SLIT1: variants seen among roughly 807,000 people sequenced by gnomAD.
SLIT1 encodes the protein slit homolog 1 protein.
Under a neutral mutation model 186.1 loss-of-function variants are expected in SLIT1, and 66 were observed. The observed-to-expected ratio is 0.35, with a 90% CI of 0.29 to 0.44. The LOEUF (loss-of-function observed/expected upper bound fraction) is 0.44, where lower values mean the gene tolerates loss of function less well. Ranked by LOEUF, SLIT1 falls within the 20% of genes least tolerant of loss-of-function variation. SLIT1 has a pLI of 1.00. For synonymous variants in SLIT1, 761 were observed against 833.8 expected, an observed-to-expected ratio of 0.91 and a Z score of 1.50; for missense variants, 1,638 against 2,037.4, an observed-to-expected ratio of 0.80 and a Z score of 3.77.
chr10:97,053,747 A>T (rs1848812009), intron 13 of SLIT1, among the ~76,000 whole-genome samples: 1 of 152,226 alleles, frequency 6.6e-6, no homozygotes, highest in African/African-American at 2.4e-5. Context: ...GTTTAACCAC[A>T]CAACAGATGA....
In SLIT1 at chr10:97,022,059, A is replaced by G. The variant is rs1848507116; in HGVS notation, c.2583-646T>C. 6.6e-6 allele frequency among the ~76,000 whole-genome samples: 1 copy of G among 152,234 alleles called. No homozygotes were observed. Among genetic ancestry groups the G allele is most frequent in the African/African-American group, 2.4e-5 (1 of 41,464 alleles). On this transcript the variant is annotated intron_variant, in intron 25 of 36. Coordinates refer to ENST00000266058, the MANE Select transcript of SLIT1 (RefSeq NM_003061.3). The surrounding 1 kb of genome is among the most constrained non-coding windows in gnomAD (Gnocchi z 4.2). ...TACGAATGCACTGCCTCCAGTGTGC[A>G]TGGGGAGAAAGCAACCCACATCGAC... is the stretch of plus-strand genomic sequence containing the variant.
chr10:97,135,718 C>G (rs767241873), intron 4 of SLIT1, among the ~76,000 whole-genome samples: 5 of 152,196 alleles, frequency 3.3e-5, no homozygotes, highest in Non-Finnish European at 7.3e-5. Flanking sequence ...GCTGCTCAGT[C>G]AAGTGGAGGA....
Position 97,006,468 on chromosome 10 carries a change from C to A in SLIT1, c.3579+15G>T, listed in dbSNP as rs1589360537. 2 of 1,593,760 alleles carry A rather than the reference C, an allele frequency of 1.3e-6. No homozygotes were observed. The highest frequency in any genetic ancestry group is 1.7e-6 in the Non-Finnish European group (2 of 1,161,946). ...TCCCTGACTCCCCTCTGTGACCAAG[C>A]CCCCTGGCACGCACCTGCAACGTGA... On this transcript the variant is annotated intron_variant, in intron 32 of 36. Coordinates refer to ENST00000266058, the MANE Select transcript of SLIT1 (RefSeq NM_003061.3). This position sits in a 1 kb window ranked among gnomAD's most constrained non-coding sequence, Gnocchi z 4.0.
chr10:97,036,535 C>T (rs985812168), intron 22 of SLIT1, among the ~76,000 whole-genome samples: 6 of 152,266 alleles, frequency 3.9e-5, no homozygotes, highest in African/African-American at 1.4e-4. Context: ...GTCACCACAC[C>T]TAGCTTAGTT....
intron 4 of SLIT1, among the ~76,000 whole-genome samples, chr10:97,123,032 G>T (rs1258139237): frequency 6.6e-6 from 1 of 152,172 alleles, no homozygotes; most frequent in African/African-American, 2.4e-5. Context: ...CCCTGCACAG[G>T]GGGCCTTCAA....
intron 4 of SLIT1, among the ~76,000 whole-genome samples, chr10:97,090,811 G>A (rs1358117203): frequency 6.6e-6 from 1 of 152,222 alleles, no homozygotes; most frequent in Non-Finnish European, 1.5e-5. Context: ...CGTCCAGCGG[G>A]TGCTGGGCCC....
chr10:97,106,807 T>C (rs1849419949), intron 4 of SLIT1, among the ~76,000 whole-genome samples: 2 of 152,318 alleles, frequency 1.3e-5, no homozygotes, highest in South Asian at 4.1e-4. Flanking sequence ...GAGTTCATAC[T>C]TTGATAACTG....
At chr10:97,133,708 A>G (rs1849675949) in intron 4 of SLIT1, among the ~76,000 whole-genome samples, 1 of 152,176 alleles carries the variant, frequency 6.6e-6, no homozygotes, top group Non-Finnish European at 1.5e-5. Flanking sequence ...TGAAACGAGG[A>G]CTATTTTGCA....
chr10:97,090,498 T>C (rs2134662714), intron 4 of SLIT1, among the ~76,000 whole-genome samples: 1 of 152,232 alleles, frequency 6.6e-6, no homozygotes, highest in Admixed American at 6.5e-5. Flanking sequence ...TGAGTTGGAC[T>C]CAAAGTGAGT....
intron 4 of SLIT1, among the ~76,000 whole-genome samples, chr10:97,084,768 G>A (rs1034700362): frequency 1.3e-5 from 2 of 151,680 alleles, no homozygotes; most frequent in Admixed American, 6.6e-5. Context: ...ACCACGCTTG[G>A]CTAATTTTTT....
chr10:97,033,590 C>T (rs1470414686), intron 23 of SLIT1, among the ~76,000 whole-genome samples: 2 of 152,150 alleles, frequency 1.3e-5, no homozygotes, highest in African/African-American at 4.8e-5. Flanking sequence ...AATGAACAGA[C>T]CACAGCTGCC....
At chr10:97,039,876 T>G in intron 21 of SLIT1, 112 bp downstream of exon 21, 1 of 1,246,252 alleles carries the variant, frequency 8.0e-7, no homozygotes, top group Non-Finnish European at 1.1e-6. Flanking sequence ...AGCTAATGCC[T>G]GCTCTTGGTC....
chr10:97,112,407 G>T (rs1346734527), intron 4 of SLIT1, among the ~76,000 whole-genome samples: 1 of 152,180 alleles, frequency 6.6e-6, no homozygotes, highest in East Asian at 1.9e-4. Flanking sequence ...TGGGAGACAT[G>T]AATTCAGAGC....
At position 97,095,946 on chromosome 10, in the gene SLIT1, C is replaced by T. The variant is rs114458002; in HGVS notation, c.414-29860G>A. On this transcript the variant is annotated intron_variant, in intron 4 of 36. Coordinates refer to ENST00000266058, the MANE Select transcript of SLIT1 (RefSeq NM_003061.3). ...GTGGGCCTGAGAGTCTGTGTTACCC[C>T]GGAGGCTGATGCTGCCAGCCAAGGG... is the stretch of plus-strand genomic sequence containing the variant. Among the ~76,000 whole-genome samples the T allele has an allele frequency of 7.2e-3, 1,096 of 152,246 alleles. 14 individuals carry two copies. The highest frequency in any genetic ancestry group is 0.025 in the African/African-American group (1,025 of 41,536).
chr10:97,012,460 C>G (rs913398342), intron 30 of SLIT1, among the ~76,000 whole-genome samples: 2 of 152,232 alleles, frequency 1.3e-5, no homozygotes, highest in Non-Finnish European at 2.9e-5. Context: ...TGAGAGAACA[C>G]GCACTCAACG....
chr10:97,081,885 C>T (rs950198885), intron 4 of SLIT1, among the ~76,000 whole-genome samples: 3 of 152,216 alleles, frequency 2.0e-5, no homozygotes, highest in Admixed American at 6.5e-5. Context: ...AAAGACTCAC[C>T]TTGGATCCCA....
intron 4 of SLIT1, among the ~76,000 whole-genome samples, chr10:97,140,400 C>T (rs1047214567): frequency 2.6e-5 from 4 of 152,148 alleles, no homozygotes; most frequent in African/African-American, 7.2e-5. Flanking sequence ...TCTCCTGTTC[C>T]CCTCCCACCG....
At chr10:97,055,653 A>G (rs1438622822) in intron 13 of SLIT1, among the ~76,000 whole-genome samples, 2 of 152,180 alleles carry the variant, frequency 1.3e-5, no homozygotes, top group African/African-American at 4.8e-5. Flanking sequence ...TAGAGGCATG[A>G]GCCACCATGC....
At chr10:97,101,412 G>A (rs892996890) in intron 4 of SLIT1, 3 of 152,346 alleles carry the variant, frequency 2.0e-5, no homozygotes, top group Middle Eastern at 3.4e-3. Flanking sequence ...ACCCCTAGTG[G>A]CGGAGTGCTC....
Sources: allele counts gnomAD v4.1 joint callset (sites outside exome capture counted in the v4.1 genomes callset), GRCh38; gene constraint gnomAD v4.1.1; non-coding constraint Gnocchi (gnomAD v3.1); transcripts MANE v1.5; gene names NCBI Gene and HGNC (gene_info 2026-07-23, HGNC 2026-07-21).